Variants in NAV2 observed in about 807,000 individuals in gnomAD.
The protein encoded by NAV2 is helicase, APC down-regulated 1.
Under a neutral mutation model 223.2 loss-of-function variants are expected in NAV2, and 54 were observed. The observed-to-expected ratio is 0.24, with a 90% CI of 0.19 to 0.30. The LOEUF (loss-of-function observed/expected upper bound fraction) is 0.30, where lower values mean the gene tolerates loss of function less well. Among genes scored for constraint, NAV2 ranks in the 10% least tolerant of loss-of-function variants. NAV2 has a pLI of 1.00. For synonymous variants in NAV2, 1,279 were observed against 1,239.3 expected (o/e 1.03, Z -0.67); for missense variants, 2,806 against 3,147.5 (o/e 0.89, Z 2.60).
chr11:20,000,961 A>G (rs2052483275), intron 11 of NAV2, among the ~76,000 whole-genome samples: 1 of 152,122 alleles, frequency 6.6e-6, no homozygotes. Context: ...CCTGAAATGC[A>G]GATCTGATCC....
At chr11:19,994,473 G>T (rs918392786) in intron 11 of NAV2, among the ~76,000 whole-genome samples, 7 of 151,912 alleles carry the variant, frequency 4.6e-5, no homozygotes, top group Admixed American at 2.0e-4. Flanking sequence ...CTTGAACCGG[G>T]AGGTGGAGGT....
chr11:19,967,312 G>C (rs906723868), intron 10 of NAV2, among the ~76,000 whole-genome samples: 9 of 151,904 alleles, frequency 5.9e-5, no homozygotes, highest in Non-Finnish European at 1.2e-4. Context: ...TAAGAATATG[G>C]GAAGCAACAG....
At chr11:19,463,329 C>A (rs114004924) in intron 1 of NAV2, among the ~76,000 whole-genome samples, 1 of 152,214 alleles carries the variant, frequency 6.6e-6, no homozygotes, top group African/African-American at 2.4e-5. Context: ...AAGTTGCCTT[C>A]GAGCAGCTCA....
At chr11:19,712,692 C>T (rs1050652510), upstream of NAV2, 2 of 151,266 alleles carry the variant, frequency 1.3e-5, no homozygotes, top group African/African-American at 2.4e-5. Flanking sequence ...AAGCGCGGCC[C>T]CAGAGTTTCG....
chr11:19,405,701 T>G (rs1423046610), intron 1 of NAV2, among the ~76,000 whole-genome samples: 1 of 152,242 alleles, frequency 6.6e-6, no homozygotes. Context: ...ATTGAGTTAT[T>G]AAATCTTTCC....
At chr11:19,768,149 G>C (rs959527754) in intron 1 of NAV2, among the ~76,000 whole-genome samples, 17 of 152,234 alleles carry the variant, frequency 1.1e-4, no homozygotes, top group African/African-American at 3.6e-4. Context: ...TGGGCGTCCT[G>C]CACGCACGTT....
intron 3 of NAV2, among the ~76,000 whole-genome samples, chr11:19,856,304 C>A (rs76719488): frequency 0.03 from 4,499 of 152,266 alleles, 112 homozygotes; most frequent in Non-Finnish European, 0.042. Context: ...GCTATGGCAG[C>A]AGGCAGTATG....
Position 20,118,132 on chromosome 11 carries a change from G to C in NAV2, c.7165-1G>C. On this transcript the variant is annotated splice_acceptor_variant, in intron 37 of 37. Transcript: ENST00000349880. LOFTEE classifies it high-confidence loss of function. Reference sequence around the variant, plus strand: ...CTCATGCTTCTCCACTCTTCCCCTAGATGAACATGCTGATGAGGCTGCAGG... The same window carrying C: ...CTCATGCTTCTCCACTCTTCCCCTACATGAACATGCTGATGAGGCTGCAGG... 6.4e-7 allele frequency: 1 copy of C among 1,564,788 alleles called. No homozygotes were observed. The highest frequency in any genetic ancestry group is 8.7e-7 in the Non-Finnish European group (1 of 1,149,416).
At chr11:19,619,840 C>T (rs1238078678) in intron 1 of NAV2, among the ~76,000 whole-genome samples, 5 of 152,170 alleles carry the variant, frequency 3.3e-5, no homozygotes, top group Admixed American at 1.3e-4. Flanking sequence ...TTGCCCACGC[C>T]TATGTCCTGA....
At chr11:19,697,766 T>C (rs1048791046) in intron 1 of NAV2, among the ~76,000 whole-genome samples, 3 of 152,182 alleles carry the variant, frequency 2.0e-5, no homozygotes, top group Non-Finnish European at 4.4e-5. Context: ...AGTAGGTCAT[T>C]GTCTTCAGAA....
chr11:19,945,088 T>G (rs149188004), intron 8 of NAV2, among the ~76,000 whole-genome samples: 3 of 133,364 alleles, frequency 2.2e-5, no homozygotes, highest in African/African-American at 8.5e-5. Flanking sequence ...CTTTTCTCTT[T>G]TCTTCTCTTC....
chr11:20,032,826 C>T (rs944717148), intron 11 of NAV2, among the ~76,000 whole-genome samples: 1 of 152,174 alleles, frequency 6.6e-6, no homozygotes, highest in African/African-American at 2.4e-5. Context: ...TATCTTGCCT[C>T]TGCACATTGA....
At chr11:19,490,041 T>C (rs2042573772) in intron 1 of NAV2, among the ~76,000 whole-genome samples, 2 of 152,238 alleles carry the variant, frequency 1.3e-5, no homozygotes, top group South Asian at 2.1e-4. Context: ...ATTTATGCTA[T>C]ATTATAGTCT....
rs184930699 is a variant in NAV2, at chr11:19,518,890, T to C, written c.75+167863T>C. ...TAATTAGATCATAAGGGTGGAACCC[T>C]CATGAATGGGATCCACATCCTTATA... is the stretch of plus-strand genomic sequence containing the variant. On this transcript the variant is annotated intron_variant, in intron 1 of 37. Coordinates refer to the NAV2 transcript ENST00000360655. Among the ~76,000 whole-genome samples the C allele has an allele frequency of 1.3e-3, 195 of 152,222 alleles. 1 individual carries two copies. Among genetic ancestry groups the C allele is most frequent in the Non-Finnish European group, 2.1e-3 (144 of 68,010 alleles).
At chr11:19,971,785 C>T (rs1438493442) in intron 10 of NAV2, among the ~76,000 whole-genome samples, 1 of 152,218 alleles carries the variant, frequency 6.6e-6, no homozygotes, top group Non-Finnish European at 1.5e-5. Context: ...CTCATGCAAC[C>T]TCCGTCTACT....
chr11:19,982,096 C>G (rs551277618), intron 10 of NAV2, among the ~76,000 whole-genome samples: 25 of 152,112 alleles, frequency 1.6e-4, no homozygotes, highest in African/African-American at 6.0e-4. Context: ...AAAGAGCTTA[C>G]TATTTAGTGT....
chr11:20,071,856 A>G (rs1188588040), intron 22 of NAV2, among the ~76,000 whole-genome samples: 1 of 152,118 alleles, frequency 6.6e-6, no homozygotes, highest in Non-Finnish European at 1.5e-5. Context: ...CCTTTGTCAG[A>G]TGGATAGATT....
At position 19,423,229 on chromosome 11, in the gene NAV2, A is replaced by G. The variant is rs529840294; in HGVS notation, c.75+72202A>G. 3.9e-5 allele frequency among the ~76,000 whole-genome samples: 6 copies of G among 152,332 alleles called. No homozygotes were observed. The East Asian group carries it at 1.2e-3, about 29-fold the overall frequency. ...TTGAGCTTTTGTATCTTTAACCTTT[A>G]TACAGTGACAGTGTCTACCTTATAG... On this transcript the variant is annotated intron_variant, in intron 1 of 37. Transcript: ENST00000360655.
chr11:19,555,839 AC>A, intron 1 of NAV2, among the ~76,000 whole-genome samples: 1 of 150,406 alleles, frequency 6.6e-6, no homozygotes, highest in African/African-American at 2.4e-5. Flanking sequence ...CCTCGAGCCC[AC>A]CCAGCCCCAG....
Sources: gnomAD v4.1 joint callset for allele counts (sites outside exome capture counted in the v4.1 genomes callset) on GRCh38, gnomAD v4.1.1 for gene constraint, MANE v1.5 for transcripts, NCBI Gene and HGNC (gene_info 2026-07-23, HGNC 2026-07-21) for gene names.